PPP5C: variants seen among roughly 807,000 people sequenced by gnomAD.
PPP5C encodes the protein serine/threonine-protein phosphatase 5.
Under a neutral mutation model 66.7 loss-of-function variants are expected in PPP5C, and 21 were observed. The ratio of observed to expected loss-of-function variants is 0.31; its 90% CI spans 0.22 to 0.45. The LOEUF (loss-of-function observed/expected upper bound fraction) is 0.45, where lower values mean the gene tolerates loss of function less well. PPP5C is among the 20% of genes least tolerant of loss of function. The probability of loss-of-function intolerance (pLI) is 1.00; values close to 1 mark genes in which losing one functional copy is unlikely to be tolerated. For missense variants in PPP5C, 464 were observed against 675.9 expected (o/e 0.69, Z 3.48); for synonymous variants, 246 against 257.4 (o/e 0.96, Z 0.43).
intron 2 of PPP5C, among the ~76,000 whole-genome samples, chr19:46,362,854 C>T (rs1229271795): frequency 6.6e-6 from 1 of 150,878 alleles, no homozygotes; most frequent in African/African-American, 2.4e-5. Context: ...GTGGCGCGAT[C>T]TCGGCTCACT....
At chr19:46,389,330 C>T (rs926012206) in intron 11 of PPP5C, among the ~76,000 whole-genome samples, 10 of 147,556 alleles carry the variant, frequency 6.8e-5, no homozygotes, top group East Asian at 2.0e-4. Flanking sequence ...TCAAAACACA[C>T]GCACACGGGC....
chr19:46,348,131 G>C (rs1046458915), intron 1 of PPP5C, among the ~76,000 whole-genome samples: 2 of 151,880 alleles, frequency 1.3e-5, no homozygotes, highest in Admixed American at 6.6e-5. Flanking sequence ...GAGAACTGGA[G>C]AGGAGTGTTC....
chr19:46,353,261 C>T (rs1388943288), intron 1 of PPP5C, among the ~76,000 whole-genome samples: 1 of 152,172 alleles, frequency 6.6e-6, no homozygotes, highest in Non-Finnish European at 1.5e-5. Context: ...ACCTCTCCTC[C>T]TTGGCCAGAT....
Position 46,390,623 on chromosome 19 carries a change from G to T in PPP5C, c.*277G>T. On this transcript the variant is annotated 3_prime_UTR_variant, in exon 13 of 13. Transcript: ENST00000012443. The stretch of plus-strand genomic sequence containing the variant: ...CTGTGGGGAGGCCGTCCTCGGGGTG[G>T]GGTGGGGCCGAGTGGCTGCCCTGCC... 7.5e-7 allele frequency: 1 copy of T among 1,327,490 alleles called. No individual in the cohort carries two copies. The allele number at this position is 1,327,490 out of a possible 1,614,324, so 82.2% of individuals were successfully genotyped here. A position where few individuals can be genotyped will look rare whatever the true frequency, so the allele number is the denominator to read the frequency against.
At position 46,376,557 on chromosome 19, in the gene PPP5C, C is replaced by T. The variant is rs1197655107; in HGVS notation, c.616C>T (p.Arg206Trp). 9 of 1,613,544 alleles carry T rather than the reference C, an allele frequency of 5.6e-6. No individual in the cohort carries two copies. Among genetic ancestry groups the T allele is most frequent in the East Asian group, 2.2e-5 (1 of 44,858 alleles). ...QWYKDQKKLHRKCAYQILVQV... is the reference protein window; with the variant it reads ...QWYKDQKKLHWKCAYQILVQV... ...GTACAAGGACCAGAAGAAACTGCAC[C>T]GGAAATGTGCCTACCAGGTAATGCA... Residue 206 changes from arginine to tryptophan, a missense_variant, in exon 4 of 13, where the codon CGG becomes TGG. Arg to Trp is a moderately radical substitution (Grantham distance 101, BLOSUM62 -3). Transcript: ENST00000012443. This position sits in a 1 kb window ranked among gnomAD's most constrained non-coding sequence, Gnocchi z 5.1.
chr19:46,351,937 T>C (rs1016745026), intron 1 of PPP5C, among the ~76,000 whole-genome samples: 2 of 152,198 alleles, frequency 1.3e-5, no homozygotes, highest in East Asian at 1.9e-4. Flanking sequence ...ATTTGAAAGA[T>C]TGCCAGGAGT....
intron 2 of PPP5C, among the ~76,000 whole-genome samples, chr19:46,364,195 AATAT>A (rs1183621348): frequency 2.0e-5 from 3 of 152,060 alleles, no homozygotes; most frequent in East Asian, 3.8e-4. Flanking sequence ...GGCATCAAAA[AATAT>A]ATATATACGT....
At chr19:46,385,694 C>T (rs1174773350) in intron 7 of PPP5C, among the ~76,000 whole-genome samples, 9 of 151,660 alleles carry the variant, frequency 5.9e-5, no homozygotes, top group Non-Finnish European at 1.2e-4. Context: ...GCAGGAGAAT[C>T]GCTTGAACCC....
In PPP5C at chr19:46,383,408, C is replaced by G. The variant is rs1972829064; in HGVS notation, c.634-3C>G. On this transcript the variant is annotated splice_region_variant and splice_polypyrimidine_tract_variant and intron_variant, in intron 4 of 12. Transcript: ENST00000012443. This position sits in a 1 kb window ranked among gnomAD's most constrained non-coding sequence, Gnocchi z 5.0. ...GTCCCACTGAGTCTGCCCTGCCTTC[C>G]AGATTCTGGTACAGGTCAAAGAGGT... The G allele has an allele frequency of 6.2e-7, 1 of 1,611,188 alleles. No homozygotes were observed. The highest frequency in any genetic ancestry group is 8.5e-7 in the Non-Finnish European group (1 of 1,178,828).
At chr19:46,386,316 G>A (rs1411511923) in intron 7 of PPP5C, among the ~76,000 whole-genome samples, 5 of 152,220 alleles carry the variant, frequency 3.3e-5, no homozygotes, top group Admixed American at 1.3e-4. Context: ...GTTGGGAGGT[G>A]AGTGATAGGC....
chr19:46,364,533 G>A (rs1295970998), intron 2 of PPP5C, among the ~76,000 whole-genome samples: 1 of 152,106 alleles, frequency 6.6e-6, no homozygotes, highest in Non-Finnish European at 1.5e-5. Flanking sequence ...GCTTTGGGAG[G>A]TGGGTCATAT....
chr19:46,387,460 A>T lies in PPP5C; in HGVS notation c.1135+7A>T. ...CGACAACCCCCAGATTCAGGTGAGC[A>T]GCGCGGGGCCAGGTGTCTCCAGCAG... On this transcript the variant is annotated splice_region_variant and intron_variant, in intron 9 of 12. Transcript: ENST00000012443. 6.2e-7 allele frequency: 1 copy of T among 1,614,046 alleles called. No homozygotes were observed. The highest frequency in any genetic ancestry group is 8.5e-7 in the Non-Finnish European group (1 of 1,179,884).
chr19:46,387,005 G>A, intron 7 of PPP5C, 88 bp from the exon 8 acceptor site: 1 of 1,586,802 alleles, frequency 6.3e-7, no homozygotes, highest in Non-Finnish European at 8.6e-7. Flanking sequence ...AGGGACGCAT[G>A]CACAGTTCTG....
chr19:46,369,898 C>T (rs1972556862), intron 2 of PPP5C, among the ~76,000 whole-genome samples: 1 of 148,682 alleles, frequency 6.7e-6, no homozygotes, highest in Non-Finnish European at 1.5e-5. Context: ...TGCACTCCAG[C>T]CTGGGCAGCA....
Position 46,387,374 on chromosome 19 carries a change from C to T in PPP5C, c.1056C>T (p.His352=), listed in dbSNP as rs1483652207. 17 of 1,608,450 alleles carry T rather than the reference C, an allele frequency of 1.1e-5. No homozygotes were observed. The highest frequency in any genetic ancestry group is 1.3e-5 in the Non-Finnish European group (15 of 1,175,502). ...QCINGKVLIM[H]GGLFSEDGVT... is the part of the protein sequence containing the mutation. ...ATCCCCCATCTCCCCAGATCATGCA[C>T]GGAGGCCTGTTCAGTGAAGACGGTG... is the stretch of plus-strand genomic sequence containing the variant. The change falls in exon 9 of 13, where the codon CAC becomes CAT. Residue 352 remains histidine (H), a synonymous_variant. Coordinates refer to ENST00000012443, the MANE Select transcript of PPP5C (RefSeq NM_006247.4).
intron 7 of PPP5C, among the ~76,000 whole-genome samples, chr19:46,385,112 G>A (rs1485417642): frequency 2.6e-5 from 4 of 152,202 alleles, no homozygotes; most frequent in Non-Finnish European, 2.9e-5. Flanking sequence ...GTGTAGAAAT[G>A]GATGTTTACT....
intron 2 of PPP5C, 101 bp downstream of exon 2, chr19:46,354,090 C>A: frequency 6.8e-7 from 1 of 1,472,308 alleles, no homozygotes; most frequent in Non-Finnish European, 9.1e-7. Context: ...CCTCTACTTA[C>A]CACTCAGCCA....
intron 2 of PPP5C, among the ~76,000 whole-genome samples, chr19:46,354,327 A>G (rs1380656896): frequency 6.6e-6 from 1 of 152,220 alleles, no homozygotes; most frequent in Non-Finnish European, 1.5e-5. Context: ...GCCCGGGGTC[A>G]GTGTCCTGTG....
rs566749615 is a variant in PPP5C, at chr19:46,388,396, G to A, written c.1136-12G>A. 5.9e-4 allele frequency: 952 copies of A among 1,607,800 alleles called. 12 individuals carry two copies. In the South Asian group the frequency reaches 9.3e-3, roughly 16 times the overall value. ...TGGACGAGTCCCTAATGTTTCCCTC[G>A]CTCCCCACCAGGGCCCATGTGTGAC... On this transcript the variant is annotated splice_polypyrimidine_tract_variant and intron_variant, in intron 9 of 12. Coordinates refer to ENST00000012443, the MANE Select transcript of PPP5C (RefSeq NM_006247.4). The surrounding 1 kb of genome is among the most constrained non-coding windows in gnomAD (Gnocchi z 4.9).
Sources: allele counts gnomAD v4.1 joint callset (sites outside exome capture counted in the v4.1 genomes callset), GRCh38; gene constraint gnomAD v4.1.1; non-coding constraint Gnocchi (gnomAD v3.1); transcripts MANE v1.5; gene names NCBI Gene and HGNC (gene_info 2026-07-23, HGNC 2026-07-21).